SPATA17: variants seen among roughly 807,000 people sequenced by gnomAD.
The protein encoded by SPATA17 is spermatogenesis-associated protein 17.
In SPATA17, 53 loss-of-function variants were observed where a neutral mutation model predicts 62.2. The observed-to-expected ratio is 0.85, with a 90% CI of 0.68 to 1.07. The LOEUF (loss-of-function observed/expected upper bound fraction) is 1.07. Among genes scored for constraint, SPATA17 ranks in the 50% least tolerant of loss-of-function variants. The probability of loss-of-function intolerance (pLI) is 0.00; values close to 1 mark genes in which losing one functional copy is unlikely to be tolerated. For missense variants in SPATA17, 466 were observed against 425.5 expected, an observed-to-expected ratio of 1.10 and a Z score of -0.84; for synonymous variants, 146 against 146.8, an observed-to-expected ratio of 0.99 and a Z score of 0.04.
intron 8 of SPATA17, among the ~76,000 whole-genome samples, chr1:217,787,025 C>T (rs998952541): frequency 1.3e-5 from 2 of 152,042 alleles, no homozygotes; most frequent in African/African-American, 4.8e-5. Flanking sequence ...AATTGCATCA[C>T]CAACTATCTG....
chr1:217,786,141 A>T (rs1673855935), intron 8 of SPATA17, among the ~76,000 whole-genome samples: 1 of 152,192 alleles, frequency 6.6e-6, no homozygotes, highest in Non-Finnish European at 1.5e-5. Flanking sequence ...CTCTAGGGAC[A>T]TAGTGGTGAA....
chr1:217,715,586 G>C (rs1030955755), intron 5 of SPATA17, among the ~76,000 whole-genome samples: 1 of 151,458 alleles, frequency 6.6e-6, no homozygotes, highest in Non-Finnish European at 1.5e-5. Flanking sequence ...AGGCAGCTCT[G>C]TCATATTGGC....
intron 9 of SPATA17, among the ~76,000 whole-genome samples, chr1:217,803,500 C>G (rs1223718441): frequency 6.6e-6 from 1 of 151,942 alleles, no homozygotes; most frequent in African/African-American, 2.4e-5. Context: ...AGATAATAAT[C>G]CCACATAGGA....
intron 9 of SPATA17, among the ~76,000 whole-genome samples, chr1:217,860,556 T>C (rs1675878438): frequency 6.6e-6 from 1 of 152,210 alleles, no homozygotes; most frequent in Middle Eastern, 3.2e-3. Context: ...TCATAGATTT[T>C]CACACTCTAT....
At chr1:217,749,985 C>CTCTCTCTCTCTATA in intron 6 of SPATA17, among the ~76,000 whole-genome samples, 7 of 12,310 alleles carry the variant, frequency 5.7e-4, no homozygotes, top group Non-Finnish European at 6.3e-4. Context: ...CTCTCTCTCT[C>CTCTCTCTCTCTATA]TATATATATA....
chr1:217,850,640 C>T (rs1195898452), intron 9 of SPATA17: 2 of 1,583,274 alleles, frequency 1.3e-6, no homozygotes, highest in Non-Finnish European at 1.7e-6. Flanking sequence ...GCATTTTGAC[C>T]TGTTAGCAGA....
intron 9 of SPATA17, among the ~76,000 whole-genome samples, chr1:217,859,831 T>C (rs563653305): frequency 3.9e-5 from 6 of 152,282 alleles, no homozygotes; most frequent in Non-Finnish European, 8.8e-5. Flanking sequence ...ATCAATTCTG[T>C]TGATGATTTC....
intron 6 of SPATA17, among the ~76,000 whole-genome samples, chr1:217,749,899 C>G (rs56183781): frequency 1.4e-5 from 2 of 146,930 alleles, no homozygotes; most frequent in African/African-American, 2.5e-5. Context: ...TATGAGCATA[C>G]TGATACAGTC....
chr1:217,746,554 T>A (rs900453087), intron 6 of SPATA17, among the ~76,000 whole-genome samples: 1 of 114,926 alleles, frequency 8.7e-6, no homozygotes, highest in Non-Finnish European at 2.2e-5. Flanking sequence ...GATATAAGAT[T>A]ATGTGTTTTT....
intron 7 of SPATA17, among the ~76,000 whole-genome samples, chr1:217,781,002 T>A (rs1673715840): frequency 6.6e-6 from 1 of 152,176 alleles, no homozygotes; most frequent in African/African-American, 2.4e-5. Flanking sequence ...CTTGGAATCA[T>A]GTTACTGTAT....
intron 3 of SPATA17, among the ~76,000 whole-genome samples, chr1:217,666,139 T>A (rs1014885132): frequency 6.6e-5 from 10 of 152,168 alleles, no homozygotes; most frequent in African/African-American, 2.4e-4. Context: ...TCTTTCATCT[T>A]CCCCTTTAAA....
At chr1:217,847,673 G>A (rs911949370) in intron 9 of SPATA17, among the ~76,000 whole-genome samples, 1 of 152,026 alleles carries the variant, frequency 6.6e-6, no homozygotes, top group Non-Finnish European at 1.5e-5. Context: ...TCAGATGTAG[G>A]TAAAAATTAA....
At chr1:217,713,354 A>G (rs937589032) in intron 5 of SPATA17, among the ~76,000 whole-genome samples, 1 of 152,126 alleles carries the variant, frequency 6.6e-6, no homozygotes, top group African/African-American at 2.4e-5. Flanking sequence ...CATGAGCATG[A>G]GAAATTTAAA....
intron 6 of SPATA17, among the ~76,000 whole-genome samples, chr1:217,771,515 AAAT>A (rs1415816737): frequency 6.6e-6 from 1 of 152,142 alleles, no homozygotes; most frequent in Non-Finnish European, 1.5e-5. Context: ...TTATTTAAAG[AAAT>A]AATAAGTAAA....
chr1:217,808,361 ACACACACACACACACACACACC>A lies in SPATA17; in HGVS notation c.1005+6513_1005+6534del, dbSNP rs1379193781. On this transcript the variant is annotated intron_variant, in intron 9 of 10. Transcript: ENST00000366933. ...AATTAAAAAATACACACACACACAC[ACACACACACACACACACACACC>A]CCCCTCAGAATTTATACAGAATGAA... Among the ~76,000 whole-genome samples, 3 of 93,772 alleles carry A rather than the reference ACACACACACACACACACACACC, an allele frequency of 3.2e-5. No homozygotes were observed. The East Asian group carries it at 7.4e-4, about 23-fold the overall frequency. 61.5% of individuals were successfully genotyped at this position (93,772 alleles called of 152,430 possible).
intron 8 of SPATA17, among the ~76,000 whole-genome samples, chr1:217,798,714 T>G (rs1363195566): frequency 6.6e-6 from 1 of 152,162 alleles, no homozygotes; most frequent in African/African-American, 2.4e-5. Context: ...GGTTACAGGG[T>G]GTGACAGGAG....
At chr1:217,827,067 CTG>C (rs1675016496) in intron 9 of SPATA17, among the ~76,000 whole-genome samples, 2 of 152,078 alleles carry the variant, frequency 1.3e-5, no homozygotes, top group Admixed American at 6.6e-5. Context: ...CTAATGCTCT[CTG>C]TATCTCATTT....
intron 1 of SPATA17, among the ~76,000 whole-genome samples, chr1:217,645,678 C>T (rs1670164714): frequency 6.6e-6 from 1 of 152,094 alleles, no homozygotes; most frequent in African/African-American, 2.4e-5. Flanking sequence ...TTTCCACATT[C>T]TATCTTCTTT....
intron 6 of SPATA17, among the ~76,000 whole-genome samples, chr1:217,755,953 A>T (rs530247430): frequency 1.2e-4 from 19 of 152,138 alleles, no homozygotes; most frequent in Admixed American, 5.9e-4. Context: ...AGGCAGAATT[A>T]TTCCCTTTTC....
Sources: gnomAD v4.1 joint callset for allele counts (sites outside exome capture counted in the v4.1 genomes callset) on GRCh38, gnomAD v4.1.1 for gene constraint, MANE v1.5 for transcripts, NCBI Gene and HGNC (gene_info 2026-07-23, HGNC 2026-07-21) for gene names.